The following RALGAPB variants were observed in gnomAD, a reference collection of about 807,000 sequenced individuals.
The protein encoded by RALGAPB is Ral GTPase activating protein non-catalytic subunit beta.
RALGAPB carries 25 observed loss-of-function variants against 161.1 expected under a neutral mutation model. The ratio of observed to expected loss-of-function variants is 0.16; its 90% CI spans 0.11 to 0.22. The LOEUF is 0.22. RALGAPB is among the 10% of genes least tolerant of loss of function. The pLI is 1.00. For synonymous variants in RALGAPB, 629 were observed against 626.1 expected (o/e 1.00, Z -0.07); for missense variants, 1,391 against 1,815.2 (o/e 0.77, Z 4.25).
intron 19 of RALGAPB, chr20:38,547,556 G>A (rs1010700518): frequency 2.0e-5 from 3 of 152,208 alleles, no homozygotes; most frequent in African/African-American, 4.8e-5. Context: ...CTTTGTAAAG[G>A]TGAAGAGTTC....
chr20:38,558,463 A>G lies in RALGAPB; in HGVS notation c.3531+10A>G. The G allele has an allele frequency of 5.8e-6, 9 of 1,552,898 alleles. No homozygotes were observed. Among genetic ancestry groups the G allele is most frequent in the Non-Finnish European group, 7.0e-6 (8 of 1,149,358 alleles). On this transcript the variant is annotated intron_variant, in intron 23 of 29. Coordinates refer to ENST00000262879, the MANE Select transcript of RALGAPB (RefSeq NM_020336.4). ...GAAAACGAACCAAGAGGTAAGAGTT[A>G]CGAATTTTTTTTTTTTGGTATGTTT...
intron 7 of RALGAPB, among the ~76,000 whole-genome samples, chr20:38,516,848 A>G (rs909666034): frequency 2.6e-5 from 4 of 152,202 alleles, no homozygotes; most frequent in African/African-American, 7.2e-5. Context: ...TGTTTTTCAC[A>G]TTTTAGATAT....
intron 28 of RALGAPB, 54 bp from the exon 29 acceptor site, chr20:38,574,096 G>T: frequency 1.3e-6 from 2 of 1,520,790 alleles, no homozygotes; most frequent in Non-Finnish European, 1.8e-6. Context: ...ACTCTTGGGT[G>T]TCTCGGGGAC....
At chr20:38,528,345 T>TTTA (rs2086535624) in intron 13 of RALGAPB, among the ~76,000 whole-genome samples, 4 of 147,360 alleles carry the variant, frequency 2.7e-5, no homozygotes, top group African/African-American at 1.0e-4. Flanking sequence ...TTCATTTTAT[T>TTTA]TTTATTTATT....
chr20:38,567,093 T>C lies in RALGAPB; in HGVS notation c.3818-3T>C. 6.2e-7 allele frequency: 1 copy of C among 1,612,762 alleles called. No individual in the cohort carries two copies. The highest frequency in any genetic ancestry group is 8.5e-7 in the Non-Finnish European group (1 of 1,179,248). The stretch of plus-strand genomic sequence containing the variant: ...TAGTTGCTTTTTTTCCTTTACCCCA[T>C]AGCTGATTCATTGGAAAGTAACATC... On this transcript the variant is annotated splice_region_variant and splice_polypyrimidine_tract_variant and intron_variant, in intron 25 of 29. Transcript: ENST00000262879.
intron 23 of RALGAPB, among the ~76,000 whole-genome samples, chr20:38,559,568 C>T (rs745714038): frequency 3.3e-5 from 5 of 152,188 alleles, no homozygotes; most frequent in African/African-American, 9.7e-5. Context: ...GTGGCAGGCA[C>T]CTGTAGTCCC....
intron 5 of RALGAPB, among the ~76,000 whole-genome samples, chr20:38,504,337 ACT>A (rs767770732): frequency 6.6e-6 from 1 of 152,202 alleles, no homozygotes; most frequent in African/African-American, 2.4e-5. Context: ...TGGGGAAAGG[ACT>A]CTCTATTCAA....
intron 25 of RALGAPB, among the ~76,000 whole-genome samples, chr20:38,565,680 T>A (rs1308504025): frequency 6.6e-6 from 1 of 152,234 alleles, no homozygotes; most frequent in African/African-American, 2.4e-5. Flanking sequence ...ACTGACCCTC[T>A]AATAATCTTT....
At chr20:38,477,765 C>G (rs1197679354) in intron 1 of RALGAPB, among the ~76,000 whole-genome samples, 1 of 152,154 alleles carries the variant, frequency 6.6e-6, no homozygotes, top group Non-Finnish European at 1.5e-5. Context: ...ATCCTTCTCC[C>G]AGGTCACTCT....
intron 21 of RALGAPB, among the ~76,000 whole-genome samples, chr20:38,552,101 A>C (rs539358465): frequency 6.6e-6 from 1 of 151,882 alleles, no homozygotes; most frequent in South Asian, 2.1e-4. Flanking sequence ...GTAATATTAT[A>C]GCTTAAGGAA....
chr20:38,525,552 A>G, intron 12 of RALGAPB, 34 bp downstream of exon 12: 2 of 1,447,036 alleles, frequency 1.4e-6, no homozygotes, highest in Non-Finnish European at 1.9e-6. Context: ...TATATCCTAT[A>G]TTCTGTTTTT....
intron 1 of RALGAPB, among the ~76,000 whole-genome samples, chr20:38,475,676 G>T (rs1310815700): frequency 1.3e-5 from 2 of 149,454 alleles, no homozygotes; most frequent in Non-Finnish European, 3.0e-5. Context: ...GTGTAGTGGC[G>T]CAATCTCAGC....
intron 24 of RALGAPB, among the ~76,000 whole-genome samples, chr20:38,563,638 C>T (rs1187336863): frequency 1.3e-5 from 2 of 152,170 alleles, no homozygotes; most frequent in African/African-American, 2.4e-5. Context: ...GTGGATAATG[C>T]CTATGCCCAG....
At position 38,506,072 on chromosome 20, in the gene RALGAPB, A is replaced by G. The variant is rs2085754476; in HGVS notation, c.741-3005A>G. Among the ~76,000 whole-genome samples, 6 of 152,326 alleles carry G rather than the reference A, an allele frequency of 3.9e-5. No homozygotes were observed. In the South Asian group the frequency reaches 1.2e-3, roughly 32 times the overall value. On this transcript the variant is annotated intron_variant, in intron 5 of 29. Transcript: ENST00000262879. ...TTGCCTTCTACTGCCTGAGTACTGC[A>G]TCGAATCTGTGCAAATGAAGGGATG...
intron 17 of RALGAPB, among the ~76,000 whole-genome samples, chr20:38,540,317 C>A (rs2086928019): frequency 6.6e-6 from 1 of 152,214 alleles, no homozygotes; most frequent in Admixed American, 6.5e-5. Context: ...GGCTGCAAAC[C>A]TAGAGCACAG....
chr20:38,577,845 C>T lies in RALGAPB; in HGVS notation c.*2878C>T, dbSNP rs2088494312. 1 of 152,158 alleles carries T rather than the reference C, an allele frequency of 6.6e-6. No homozygotes were observed. The highest frequency in any genetic ancestry group is 2.4e-5 in the African/African-American group (1 of 41,414). The allele number at this position is 152,158 out of a possible 1,614,324, so 9.4% of individuals were successfully genotyped here. A position where few individuals can be genotyped will look rare whatever the true frequency, so the allele number is the denominator to read the frequency against. ...TACCCACACCTTTGGCCAGTAATGT[C>T]AGTTACCTGCTGCAGGTTCTGTGTA... On this transcript the variant is annotated 3_prime_UTR_variant, in exon 30 of 30. Coordinates refer to ENST00000262879, the MANE Select transcript of RALGAPB (RefSeq NM_020336.4).
intron 11 of RALGAPB, among the ~76,000 whole-genome samples, 156 bp downstream of exon 11, chr20:38,525,101 T>C (rs2086418111): frequency 6.6e-6 from 1 of 152,196 alleles, no homozygotes; most frequent in South Asian, 2.1e-4. Flanking sequence ...CAAACCCACC[T>C]CATCCCTGAA....
intron 18 of RALGAPB, among the ~76,000 whole-genome samples, chr20:38,543,999 T>G (rs1052518932): frequency 6.6e-6 from 1 of 152,220 alleles, no homozygotes; most frequent in African/African-American, 2.4e-5. Context: ...TAGAAAATTA[T>G]GGAGTGCAGA....
Position 38,575,016 on chromosome 20 carries a change from C to T in RALGAPB, c.*49C>T, listed in dbSNP as rs762130495. Reference sequence around the variant, plus strand: ...GAACTCCAGTTTGGGAACTATAACACAGCAGAACAGTTTGATAGGTGATCA... The same window carrying T: ...GAACTCCAGTTTGGGAACTATAACATAGCAGAACAGTTTGATAGGTGATCA... On this transcript the variant is annotated 3_prime_UTR_variant, in exon 30 of 30. Transcript: ENST00000262879. 1.4e-6 allele frequency: 2 copies of T among 1,432,024 alleles called. No homozygotes were observed. Among genetic ancestry groups the T allele is most frequent in the South Asian group, 2.3e-5 (2 of 86,942 alleles). The allele number at this position is 1,432,024 out of a possible 1,614,324, so 88.7% of individuals were successfully genotyped here.
Sources: gnomAD v4.1 joint callset for allele counts (sites outside exome capture counted in the v4.1 genomes callset) on GRCh38, gnomAD v4.1.1 for gene constraint, MANE v1.5 for transcripts, NCBI Gene and HGNC (gene_info 2026-07-23, HGNC 2026-07-21) for gene names.